TMEM217: variants seen among roughly 807,000 people sequenced by gnomAD.
TMEM217 encodes the protein transmembrane protein 217.
For synonymous variants in TMEM217, 76 were observed against 88.3 expected (o/e 0.86, Z 0.78); for missense variants, 204 against 248.8 (o/e 0.82, Z 1.21).
At chr6:37,217,152 G>A (rs262941), downstream of TMEM217, among the ~76,000 whole-genome samples, 7,675 of 152,218 alleles carry the variant, frequency 0.05, 634 homozygotes, top group African/African-American at 0.17. Flanking sequence ...AAATTAGCCA[G>A]GCATGGTGGC....
chr6:37,234,379 C>T (rs923004646), intron 1 of TMEM217, among the ~76,000 whole-genome samples: 24 of 152,150 alleles, frequency 1.6e-4, no homozygotes, highest in African/African-American at 5.6e-4. Flanking sequence ...AAACTACAGG[C>T]GTGAGCCACC....
At chr6:37,212,993 C>T, downstream of TMEM217, 1 of 1,535,256 alleles carries the variant, frequency 6.5e-7, no homozygotes. Flanking sequence ...TACCAGAGCA[C>T]CTCCTGCAGG....
Position 37,225,381 on chromosome 6 carries a change from A to G in TMEM217, c.-11-6340T>C, listed in dbSNP as rs539870771. Among the ~76,000 whole-genome samples, 88 of 152,252 alleles carry G rather than the reference A, an allele frequency of 5.8e-4. 1 individual carries two copies. Among genetic ancestry groups the G allele is most frequent in the African/African-American group, 2.0e-3 (85 of 41,524 alleles). ...AAGTGTTCATCATAGTTTAAAAAAAACAAGCTAGTAAATAAAAGAACAAAA... is the reference window on the plus strand; with the variant it reads ...AAGTGTTCATCATAGTTTAAAAAAAGCAAGCTAGTAAATAAAAGAACAAAA... On this transcript the variant is annotated intron_variant, in intron 1 of 1. Transcript: ENST00000357219.
At chr6:37,237,164 T>C (rs1341100240) in intron 1 of TMEM217, among the ~76,000 whole-genome samples, 1 of 152,162 alleles carries the variant, frequency 6.6e-6, no homozygotes, top group Non-Finnish European at 1.5e-5. Context: ...GATTCTACCT[T>C]TTGTGGGAGA....
chr6:37,244,497 G>A (rs764428693), intron 1 of TMEM217, among the ~76,000 whole-genome samples: 5 of 152,096 alleles, frequency 3.3e-5, no homozygotes, highest in Non-Finnish European at 7.4e-5. Context: ...TTGAAGTCTC[G>A]TCTACCTCAA....
At chr6:37,223,537 C>G (rs1763655207) in intron 1 of TMEM217, among the ~76,000 whole-genome samples, 4 of 152,218 alleles carry the variant, frequency 2.6e-5, no homozygotes, top group Admixed American at 2.0e-4. Flanking sequence ...GAGACAGTAT[C>G]TTGCTCTGTC....
At chr6:37,249,064 C>G (rs181074899) in intron 1 of TMEM217, among the ~76,000 whole-genome samples, 1 of 152,168 alleles carries the variant, frequency 6.6e-6, no homozygotes, top group Non-Finnish European at 1.5e-5. Flanking sequence ...TAAAACAACA[C>G]TTGTCATTGG....
chr6:37,250,025 T>C (rs535725499), intron 1 of TMEM217, among the ~76,000 whole-genome samples: 4 of 152,310 alleles, frequency 2.6e-5, no homozygotes, highest in African/African-American at 7.2e-5. Flanking sequence ...AGTAGTAGCA[T>C]AGATAAAATA....
Position 37,228,825 on chromosome 6 carries a change from G to T in TMEM217, c.-11-9784C>A, listed in dbSNP as rs531654306. Among the ~76,000 whole-genome samples the T allele has an allele frequency of 2.0e-5, 3 of 150,938 alleles. No homozygotes were observed. The East Asian group carries it at 5.9e-4, about 30-fold the overall frequency. ...ATCCTGACTAACACGGTGAAACCCCGTCTCTACTAAAAACACAAAAAATTA... is the reference window on the plus strand; with the variant it reads ...ATCCTGACTAACACGGTGAAACCCCTTCTCTACTAAAAACACAAAAAATTA... On this transcript the variant is annotated intron_variant, in intron 1 of 1. Coordinates refer to ENST00000357219, the Ensembl canonical transcript of TMEM217.
chr6:37,213,619 T>G (rs1026905979), downstream of TMEM217, among the ~76,000 whole-genome samples: 3 of 152,190 alleles, frequency 2.0e-5, no homozygotes, highest in Admixed American at 2.0e-4. Flanking sequence ...ATTGTGCAGG[T>G]GAAGGCCCAG....
At chr6:37,229,672 C>T (rs1475252305) in intron 1 of TMEM217, among the ~76,000 whole-genome samples, 3 of 152,132 alleles carry the variant, frequency 2.0e-5, no homozygotes, top group South Asian at 2.1e-4. Context: ...CTAGTAACTT[C>T]GTTAGATTCA....
At chr6:37,214,123 T>C (rs1214891631), downstream of TMEM217, among the ~76,000 whole-genome samples, 3 of 152,236 alleles carry the variant, frequency 2.0e-5, no homozygotes, top group Non-Finnish European at 2.9e-5. Context: ...ATACAGAATG[T>C]AAAATTCACC....
At chr6:37,255,193 A>G (rs1035204761) in intron 1 of TMEM217, among the ~76,000 whole-genome samples, 1 of 152,220 alleles carries the variant, frequency 6.6e-6, no homozygotes, top group South Asian at 2.1e-4. Context: ...AGAAAAATAG[A>G]GCCAGGCAAT....
At chr6:37,228,363 T>C (rs1295491952) in intron 1 of TMEM217, among the ~76,000 whole-genome samples, 1 of 152,298 alleles carries the variant, frequency 6.6e-6, no homozygotes, top group South Asian at 2.1e-4. Context: ...CAAAACATAT[T>C]TGAGGGCCAT....
intron 1 of TMEM217, among the ~76,000 whole-genome samples, chr6:37,245,422 C>T (rs1220402422): frequency 6.6e-6 from 1 of 152,254 alleles, no homozygotes; most frequent in Non-Finnish European, 1.5e-5. Flanking sequence ...TTCTGTGCTG[C>T]TTCTGCTTCT....
At position 37,219,060 on chromosome 6, in the gene TMEM217, T is replaced by C; in HGVS notation, c.-11-19A>G. ...AGACCTCCTGTGAAGACAAACAACA[T>C]GAGGGAGAATTCTAGTTCCTGCCAA... On this transcript the variant is annotated intron_variant, in intron 1 of 1. Coordinates refer to ENST00000357219, the Ensembl canonical transcript of TMEM217. 1 of 1,589,588 alleles carries C rather than the reference T, an allele frequency of 6.3e-7. No individual in the cohort carries two copies. The highest frequency in any genetic ancestry group is 8.6e-7 in the Non-Finnish European group (1 of 1,163,626).
At chr6:37,238,178 A>AC (rs397712347) in intron 1 of TMEM217, among the ~76,000 whole-genome samples, 2 of 151,440 alleles carry the variant, frequency 1.3e-5, no homozygotes, top group Non-Finnish European at 2.9e-5. Context: ...AAAAAAAAAA[A>AC]CCAAGGATAG....
chr6:37,239,402 G>A (rs1764648989), intron 1 of TMEM217, among the ~76,000 whole-genome samples: 5 of 152,058 alleles, frequency 3.3e-5, no homozygotes. Context: ...TTGAGCCCAG[G>A]AGGCCGAGGC....
intron 1 of TMEM217, among the ~76,000 whole-genome samples, chr6:37,220,632 A>C (rs1268653331): frequency 3.3e-5 from 5 of 152,128 alleles, no homozygotes; most frequent in Admixed American, 6.5e-5. Context: ...GTCGTCCTAA[A>C]CTGAAAGTGT....
Sources: gnomAD v4.1 joint callset for allele counts (sites outside exome capture counted in the v4.1 genomes callset) on GRCh38, gnomAD v4.1.1 for gene constraint, MANE v1.5 for transcripts, NCBI Gene and HGNC (gene_info 2026-07-23, HGNC 2026-07-21) for gene names.